SHROOM2: variants seen among roughly 807,000 people sequenced by gnomAD.
The protein encoded by SHROOM2 is shroom family member 2, also known as protein Shroom2.
A neutral mutation model predicts 75.9 loss-of-function variants in SHROOM2; 33 were observed. The observed-to-expected ratio is 0.43, with a 90% confidence interval of 0.33 to 0.58. SHROOM2 has a LOEUF of 0.58. Among genes scored for constraint, SHROOM2 ranks in the 20% least tolerant of loss-of-function variants. The pLI, the probability that SHROOM2 is intolerant of heterozygous loss-of-function variation, is 0.04. For missense variants in SHROOM2, 1,434 were observed against 1,461.2 expected (o/e 0.98, Z 0.30); for synonymous variants, 655 against 663.6 (o/e 0.99, Z 0.20).
chrX:9,906,314 T>C (rs1289432021), intron 5 of SHROOM2, among the ~76,000 whole-genome samples: 1 of 111,490 alleles, frequency 9.0e-6, no homozygotes, highest in Non-Finnish European at 1.9e-5. Flanking sequence ...TTCATGGGCG[T>C]GGGGTTTCTT....
intron 1 of SHROOM2, among the ~76,000 whole-genome samples, chrX:9,849,487 G>C (rs1419908911): frequency 8.9e-6 from 1 of 112,059 alleles, no homozygotes; most frequent in Admixed American, 9.5e-5. Flanking sequence ...TTGCTAAGCT[G>C]GGCGGGCGTG....
chrX:9,911,102 G>A (rs2084422140), intron 5 of SHROOM2, among the ~76,000 whole-genome samples: 1 of 111,584 alleles, frequency 9.0e-6, no homozygotes, highest in Non-Finnish European at 1.9e-5. Flanking sequence ...CTCTCTTAGA[G>A]ACAGTAACAT....
At chrX:9,904,268 C>T (rs182428990) in intron 5 of SHROOM2, among the ~76,000 whole-genome samples, 1 of 111,739 alleles carries the variant, frequency 8.9e-6, no homozygotes, top group Non-Finnish European at 1.9e-5. Context: ...GTCTCTAATC[C>T]CAGCACTTTG....
intron 6 of SHROOM2, among the ~76,000 whole-genome samples, chrX:9,933,508 C>T (rs1019417167): frequency 8.9e-6 from 1 of 112,022 alleles, no homozygotes; most frequent in Admixed American, 9.5e-5. Context: ...TGGTGGCTCA[C>T]GCCTGTAATC....
chrX:9,856,931 G>A (rs750276490), intron 1 of SHROOM2, among the ~76,000 whole-genome samples: 1 of 112,557 alleles, frequency 8.9e-6, no homozygotes, highest in East Asian at 2.8e-4. Flanking sequence ...AAGGGGGCAC[G>A]AGGCTGCTCC....
chrX:9,936,131 T>A (rs368638638), intron 6 of SHROOM2, among the ~76,000 whole-genome samples: 3 of 109,628 alleles, frequency 2.7e-5, no homozygotes, highest in African/African-American at 1.0e-4. Context: ...GGAGTCTTGC[T>A]CTGTTGCCCA....
chrX:9,885,668 C>T (rs979671884), intron 2 of SHROOM2, among the ~76,000 whole-genome samples: 1 of 111,589 alleles, frequency 9.0e-6, no homozygotes, highest in African/African-American at 3.3e-5. Context: ...AAAAAATTAT[C>T]CCTAGGCCAG....
rs369184198 is a variant in SHROOM2 at position 9,870,198 on chromosome X, C to G, written c.166-3454C>G. Among the ~76,000 whole-genome samples the G allele has an allele frequency of 1.9e-3, 217 of 112,098 alleles. 1 individual carries two copies. Among genetic ancestry groups the G allele is most frequent in the African/African-American group, 6.4e-3 (198 of 30,888 alleles). ...CCGTGATCACGCCATTACACTCCAG[C>G]TTGGATGACAGAATGTGACCCTGTC... On this transcript the variant is annotated intron_variant, in intron 1 of 9. Transcript: ENST00000380913.
chrX:9,848,815 A>G (rs1309685157), intron 1 of SHROOM2, among the ~76,000 whole-genome samples: 1 of 111,148 alleles, frequency 9.0e-6, no homozygotes, highest in Non-Finnish European at 1.9e-5. Context: ...TCTCAATAGT[A>G]ACGTGTGCTG....
At chrX:9,853,319 A>G (rs866912263) in intron 1 of SHROOM2, among the ~76,000 whole-genome samples, 1 of 112,133 alleles carries the variant, frequency 8.9e-6, no homozygotes, top group Middle Eastern at 4.6e-3. Context: ...CTTTGTGCTC[A>G]CTTACTAGCC....
chrX:9,848,997 C>A (rs1410674163), intron 1 of SHROOM2, among the ~76,000 whole-genome samples: 2 of 111,936 alleles, frequency 1.8e-5, no homozygotes, highest in African/African-American at 6.5e-5. Context: ...CGTTTGCATC[C>A]TCCAGGAGTT....
Position 9,940,187 on chromosome X carries a change from G to A in SHROOM2, c.4311+821G>A, listed in dbSNP as rs779967354. Among the ~76,000 whole-genome samples the A allele has an allele frequency of 2.5e-4, 28 of 111,878 alleles. No homozygotes were observed. The South Asian group carries it at 4.5e-3, about 18-fold the overall frequency. On this transcript the variant is annotated intron_variant, in intron 8 of 9. Transcript: ENST00000380913. ...CTCCATCTGGCACACGGTACCATTC[G>A]CTTCATTCTGGTTGCACATTCCTCT...
At chrX:9,883,502 G>A (rs1019231258) in intron 2 of SHROOM2, among the ~76,000 whole-genome samples, 1 of 111,312 alleles carries the variant, frequency 9.0e-6, no homozygotes, top group Non-Finnish European at 1.9e-5. Flanking sequence ...TTGGTCTTGG[G>A]GAAATGAGAA....
At chrX:9,835,838 A>C (rs1239823323) in intron 1 of SHROOM2, among the ~76,000 whole-genome samples, 1 of 111,161 alleles carries the variant, frequency 9.0e-6, no homozygotes, top group Non-Finnish European at 1.9e-5. Context: ...CCTGGGCTCA[A>C]GTAATCCTCT....
chrX:9,945,899 T>C (rs1324860917), intron 9 of SHROOM2, among the ~76,000 whole-genome samples: 1 of 112,950 alleles, frequency 8.9e-6, no homozygotes, highest in African/African-American at 3.2e-5. Flanking sequence ...AGAATGTTCA[T>C]CTGTATCATG....
At chrX:9,808,239 T>C (rs2083767422) in intron 1 of SHROOM2, among the ~76,000 whole-genome samples, 2 of 110,777 alleles carry the variant, frequency 1.8e-5, no homozygotes, top group African/African-American at 6.6e-5. Flanking sequence ...TTCCTGCACT[T>C]CTTTTTTCTT....
intron 8 of SHROOM2, among the ~76,000 whole-genome samples, chrX:9,943,601 C>A (rs5933791): frequency 0.38 from 42,159 of 110,841 alleles, 7,521 homozygotes; most frequent in African/African-American, 0.69. Flanking sequence ...GGGAAGATGA[C>A]AGAGTTCTAG....
At chrX:9,914,421 T>C (rs1473932594) in intron 5 of SHROOM2, among the ~76,000 whole-genome samples, 1 of 109,803 alleles carries the variant, frequency 9.1e-6, no homozygotes, top group Non-Finnish European at 1.9e-5. Context: ...TTTAATTTTT[T>C]ACCTCTCATA....
intron 1 of SHROOM2, among the ~76,000 whole-genome samples, chrX:9,833,755 A>G (rs1443417669): frequency 9.0e-6 from 1 of 110,871 alleles, no homozygotes; most frequent in East Asian, 2.9e-4. Context: ...TCCGTGGGAG[A>G]GGGACTGCAT....
Sources: allele counts gnomAD v4.1 joint callset (sites outside exome capture counted in the v4.1 genomes callset), GRCh38; gene constraint gnomAD v4.1.1; transcripts MANE v1.5; gene names NCBI Gene and HGNC (gene_info 2026-07-23, HGNC 2026-07-21).